Variants in GADD45GIP1 observed in about 807,000 individuals in gnomAD.
The protein encoded by GADD45GIP1 is large ribosomal subunit protein mL64.
In GADD45GIP1, 17 loss-of-function variants were observed where a neutral mutation model predicts 22.1. The ratio of observed to expected loss-of-function variants is 0.77; its 90% CI spans 0.53 to 1.15. The LOEUF is 1.15. Among genes scored for constraint, GADD45GIP1 ranks in the 50% most tolerant of loss-of-function variants. GADD45GIP1 has a pLI of 0.00. For synonymous variants in GADD45GIP1, 135 were observed against 138.4 expected (o/e 0.98, Z 0.17); for missense variants, 294 against 314.0 (o/e 0.94, Z 0.48).
In GADD45GIP1 at chr19:12,953,170, T is replaced by G; in HGVS notation, c.*1038A>C. 1 of 725,444 alleles carries G rather than the reference T, an allele frequency of 1.4e-6. No individual in the cohort carries two copies. Among genetic ancestry groups the G allele is most frequent in the Middle Eastern group, 4.2e-4 (1 of 2,408 alleles). The allele number at this position is 725,444 out of a possible 1,614,324, so 44.9% of individuals were successfully genotyped here. A position where few individuals can be genotyped will look rare whatever the true frequency, so the allele number is the denominator to read the frequency against. On this transcript the variant is annotated 3_prime_UTR_variant, in exon 2 of 2. Coordinates refer to ENST00000316939, the MANE Select transcript of GADD45GIP1 (RefSeq NM_052850.4). ...AAATGGAAAAAAAAATCAAAAATCT[T>G]AAAAAAACAAGCAAACAGTCCAGCT...
chr19:12,954,054 CCT>C lies in GADD45GIP1; in HGVS notation c.*152_*153del, dbSNP rs1353712516. The C allele has an allele frequency of 1.4e-6, 1 of 701,064 alleles. No homozygotes were observed. The highest frequency in any genetic ancestry group is 1.8e-5 in the African/African-American group (1 of 56,142). The allele number at this position is 701,064 out of a possible 1,614,324, so 43.4% of individuals were successfully genotyped here. On this transcript the variant is annotated 3_prime_UTR_variant, in exon 2 of 2. Coordinates refer to ENST00000316939, the MANE Select transcript of GADD45GIP1 (RefSeq NM_052850.4). ...CAGTTAGTCAGCAGGGCCTAGAGTC[CCT>C]GTCCCCTTTTGAGTACAGCCAAGTG...
At chr19:12,956,762 G>A in intron 1 of GADD45GIP1, 101 bp downstream of exon 1, 3 of 958,358 alleles carry the variant, frequency 3.1e-6, no homozygotes, top group Non-Finnish European at 4.8e-6. Flanking sequence ...TCTACAACAT[G>A]CAGATGCTGC....
At chr19:12,955,929 C>T (rs1971918679) in intron 1 of GADD45GIP1, among the ~76,000 whole-genome samples, 1 of 152,216 alleles carries the variant, frequency 6.6e-6, no homozygotes, top group Non-Finnish European at 1.5e-5. Flanking sequence ...CCTCTGCCCT[C>T]TTGGTTCCAG....
chr19:12,953,178 C>A lies in GADD45GIP1; in HGVS notation c.*1030G>T, dbSNP rs1240765771. The A allele has an allele frequency of 4.4e-6, 3 of 680,486 alleles. No individual in the cohort carries two copies. Among genetic ancestry groups the A allele is most frequent in the Non-Finnish European group, 6.9e-6 (3 of 432,334 alleles). 42.2% of individuals were successfully genotyped at this position (680,486 alleles called of 1,614,324 possible). On this transcript the variant is annotated 3_prime_UTR_variant, in exon 2 of 2. Transcript: ENST00000316939. The stretch of plus-strand genomic sequence containing the variant: ...AAAAAAATCAAAAATCTTAAAAAAA[C>A]AAGCAAACAGTCCAGCTTCCTGTCC...
rs374313725 is a variant in GADD45GIP1 at position 12,954,465 on chromosome 19, G to C, written c.412C>G (p.Gln138Glu). The change falls in exon 2 of 2, where the codon CAG becomes GAG. Residue 138 changes from glutamine (Q) to glutamate (E), a missense_variant. By Grantham distance (29) the Gln-to-Glu change is conservative (BLOSUM62 2). Transcript: ENST00000316939. The part of the protein sequence containing the change: ...MPQMIVNWQQ[Q>E]QRENWEKAQA... ...GCCTTCTCCCAGTTCTCCCGCTGCT[G>C]CTGCTGCCAGTTCACAATCATCTGT... 1.5e-4 allele frequency: 246 copies of C among 1,614,170 alleles called. 2 individuals carry two copies. In the South Asian group the frequency reaches 2.5e-3, roughly 17 times the overall value.
chr19:12,957,147 G>T lies in GADD45GIP1; in HGVS notation c.66C>A (p.Ser22=). 7.1e-7 allele frequency: 1 copy of T among 1,417,864 alleles called. No individual in the cohort carries two copies. The highest frequency in any genetic ancestry group is 2.8e-5 in the East Asian group (1 of 35,794). The allele number at this position is 1,417,864 out of a possible 1,614,324, so 87.8% of individuals were successfully genotyped here. ...GGGGCGGCCGCGCCCGGTAGCCACG[G>T]GAACCCGGGGCCAGGGTCGCCGCCA... The part of the protein sequence containing the change: ...LGVAATLAPG[S]RGYRARPPPR... The change falls in exon 1 of 2, where the codon TCC becomes TCA. Residue 22 remains serine, a synonymous_variant. Transcript: ENST00000316939.
Position 12,957,188 on chromosome 19 carries a change from G to A in GADD45GIP1, c.25C>T (p.Arg9Cys), listed in dbSNP as rs368608096. The A allele has an allele frequency of 4.3e-6, 6 of 1,404,888 alleles. No individual in the cohort carries two copies. The highest frequency in any genetic ancestry group is 5.5e-6 in the Non-Finnish European group (6 of 1,090,060). The allele number at this position is 1,404,888 out of a possible 1,614,324, so 87.0% of individuals were successfully genotyped here. A position where few individuals can be genotyped will look rare whatever the true frequency, so the allele number is the denominator to read the frequency against. The change falls in exon 1 of 2, where the codon CGC becomes TGC. Residue 9 changes from arginine to cysteine, a missense_variant. Coordinates refer to ENST00000316939, the MANE Select transcript of GADD45GIP1 (RefSeq NM_052850.4). ...GTCGCCGCCACACCTAGTAGGCTGC[G>A]TGCCTGTCGCACGGACGCCGCCATC... MAASVRQA[R>C]SLLGVAATLA...
At chr19:12,955,424 C>T (rs1568456726) in intron 1 of GADD45GIP1, among the ~76,000 whole-genome samples, 1 of 152,170 alleles carries the variant, frequency 6.6e-6, no homozygotes, top group African/African-American at 2.4e-5. Context: ...TTCACTTCAC[C>T]AAGCCTCAGT....
Position 12,954,258 on chromosome 19 carries a change from C to T in GADD45GIP1, c.619G>A (p.Ala207Thr). ...GCTGGGTCTTGAGCCACAGCTGCAG[C>T]CAATGCAGCAGCTCGCGCCTCCTTC... ...RKKEARAAAL[A>T]AAVAQDPAAS... Residue 207 changes from alanine (A) to threonine (T), a missense_variant, in exon 2 of 2, where the codon GCT (alanine) becomes ACT (threonine). By Grantham distance (58) the Ala-to-Thr change is moderately conservative. Coordinates refer to ENST00000316939, the MANE Select transcript of GADD45GIP1 (RefSeq NM_052850.4). 6.2e-7 allele frequency: 1 copy of T among 1,614,182 alleles called. No homozygotes were observed. Among genetic ancestry groups the T allele is most frequent in the Non-Finnish European group, 8.5e-7 (1 of 1,180,034 alleles).
chr19:12,955,690 T>A (rs911949735), intron 1 of GADD45GIP1, among the ~76,000 whole-genome samples: 1 of 151,874 alleles, frequency 6.6e-6, no homozygotes, highest in Non-Finnish European at 1.5e-5. Context: ...CGAAACCCCA[T>A]CTCTACTAAA....
In GADD45GIP1 at chr19:12,957,071, G is replaced by A. The variant is rs1365457340; in HGVS notation, c.142C>T (p.Pro48Ser). The change falls in exon 1 of 2, where the codon CCG (proline) becomes TCG (serine). Residue 48 changes from proline (P) to serine (S), a missense_variant. Physicochemically the swap from Pro to Ser is moderately conservative, Grantham distance 74 (BLOSUM62 -1). Transcript: ENST00000316939. The stretch of plus-strand genomic sequence containing the variant: ...TAGCGCGGTCCCAGCTGCCACCGCG[G>A]GGTCAGGAGGTCCTCGGGGTCTGGC... ...RWPDPEDLLT[P>S]RWQLGPRYAA... 35 of 1,555,078 alleles carry A rather than the reference G, an allele frequency of 2.3e-5. No homozygotes were observed. The highest frequency in any genetic ancestry group is 1.8e-4 in the Middle Eastern group (1 of 5,414).
Position 12,956,936 on chromosome 19 carries a change from A to C in GADD45GIP1, c.277T>G (p.Tyr93Asp), listed in dbSNP as rs1971931148. Residue 93 changes from tyrosine (Y) to aspartate (D), a missense_variant, in exon 1 of 2, where the codon TAC (tyrosine) becomes GAC (aspartate). By Grantham distance (160) the Tyr-to-Asp change is radical. Transcript: ENST00000316939. Reference protein sequence around the residue: ...RELEAEEREWYPSLATMQESL... With the variant: ...RELEAEEREWDPSLATMQESL... The stretch of plus-strand genomic sequence containing the variant: ...TCCTGCATGGTCGCCAGGCTCGGGT[A>C]CCATTCGCGTTCTTCGGCCTCCAGC... The C allele has an allele frequency of 6.3e-7, 1 of 1,599,624 alleles. No homozygotes were observed. The highest frequency in any genetic ancestry group is 1.7e-4 in the Middle Eastern group (1 of 6,060).
chr19:12,954,142 T>G lies in GADD45GIP1; in HGVS notation c.*66A>C. 2.2e-6 allele frequency: 3 copies of G among 1,388,794 alleles called. No individual in the cohort carries two copies. The highest frequency in any genetic ancestry group is 3.0e-6 in the Non-Finnish European group (3 of 1,006,208). The allele number at this position is 1,388,794 out of a possible 1,614,324, so 86.0% of individuals were successfully genotyped here. A position where few individuals can be genotyped will look rare whatever the true frequency, so the allele number is the denominator to read the frequency against. On this transcript the variant is annotated 3_prime_UTR_variant, in exon 2 of 2. Coordinates refer to ENST00000316939, the MANE Select transcript of GADD45GIP1 (RefSeq NM_052850.4). Reference sequence around the variant, plus strand: ...CCAGGGGACCCAGAGAGGCACACCTTGAGAGGACGCAGATCTCTTCAGGGG... The same window carrying G: ...CCAGGGGACCCAGAGAGGCACACCTGGAGAGGACGCAGATCTCTTCAGGGG...
rs1481492601 is a variant in GADD45GIP1, at chr19:12,954,198, G to T, written c.*10C>A. On this transcript the variant is annotated 3_prime_UTR_variant, in exon 2 of 2. Transcript: ENST00000316939. ...CCAGGTAGCAGGCTTTATTGGGAAGGGACAAAGCCTCAGGAGCTGGGTGCC... is the reference window on the plus strand; with the variant it reads ...CCAGGTAGCAGGCTTTATTGGGAAGTGACAAAGCCTCAGGAGCTGGGTGCC... The T allele has an allele frequency of 1.2e-6, 2 of 1,609,542 alleles. No homozygotes were observed. Among genetic ancestry groups the T allele is most frequent in the Non-Finnish European group, 1.7e-6 (2 of 1,177,468 alleles).
chr19:12,955,366 A>G (rs151337908), intron 1 of GADD45GIP1, among the ~76,000 whole-genome samples: 54 of 152,350 alleles, frequency 3.5e-4, no homozygotes, highest in African/African-American at 1.0e-3. Flanking sequence ...GGGCAGAAAC[A>G]GGAGTCCCTG....
rs1285736132 is a variant in GADD45GIP1, at chr19:12,954,214, G to A, written c.663C>T (p.Ser221=). ...ATTGGGAAGGGACAAAGCCTCAGGA[G>A]CTGGGTGCCCCAGAGGCTGCTGGGT... ...AQDPAASGAP[S]S The change falls in exon 2 of 2, where the codon AGC becomes AGT. Residue 221 remains serine, a synonymous_variant. Coordinates refer to ENST00000316939, the MANE Select transcript of GADD45GIP1 (RefSeq NM_052850.4). 1.9e-6 allele frequency: 3 copies of A among 1,612,842 alleles called. No homozygotes were observed. Among genetic ancestry groups the A allele is most frequent in the African/African-American group, 2.7e-5 (2 of 74,754 alleles).
intron 1 of GADD45GIP1, among the ~76,000 whole-genome samples, chr19:12,955,771 G>A (rs1030707569): frequency 2.0e-5 from 3 of 152,116 alleles, no homozygotes; most frequent in Non-Finnish European, 2.9e-5. Context: ...TGAAGCAGGA[G>A]AATCTCTTGA....
At chr19:12,954,562 C>T (rs1465978087) in intron 1 of GADD45GIP1, 36 bp from the exon 2 acceptor site, 7 of 1,566,148 alleles carry the variant, frequency 4.5e-6, no homozygotes, top group African/African-American at 1.4e-5. Context: ...GACACTGGCA[C>T]TCAGCCAGGG....
At position 12,953,221 on chromosome 19, in the gene GADD45GIP1, T is replaced by G; in HGVS notation, c.*987A>C. The G allele has an allele frequency of 2.1e-6, 1 of 473,834 alleles. No individual in the cohort carries two copies. Among genetic ancestry groups the G allele is most frequent in the Non-Finnish European group, 3.6e-6 (1 of 278,130 alleles). The allele number at this position is 473,834 out of a possible 1,614,324, so 29.4% of individuals were successfully genotyped here. ...TCCTGTCCTCCTAAAGTGGCCCCTGTTCCCATCTCCCGGGCCAGACAGCTG... is the reference window on the plus strand; with the variant it reads ...TCCTGTCCTCCTAAAGTGGCCCCTGGTCCCATCTCCCGGGCCAGACAGCTG... On this transcript the variant is annotated 3_prime_UTR_variant, in exon 2 of 2. Coordinates refer to ENST00000316939, the MANE Select transcript of GADD45GIP1 (RefSeq NM_052850.4).
Sources: gnomAD v4.1 joint callset for allele counts (sites outside exome capture counted in the v4.1 genomes callset) on GRCh38, gnomAD v4.1.1 for gene constraint, MANE v1.5 for transcripts, NCBI Gene and HGNC (gene_info 2026-07-23, HGNC 2026-07-21) for gene names.